The following ZNF418 variants were observed in gnomAD, a reference collection of about 807,000 sequenced individuals.
ZNF418 encodes the protein zinc finger protein 418.
Under a neutral mutation model 32.0 loss-of-function variants are expected in ZNF418, and 32 were observed. The ratio of observed to expected loss-of-function variants is 1.00; its 90% CI spans 0.75 to 1.34. The LOEUF (loss-of-function observed/expected upper bound fraction) is 1.34, where lower values mean the gene tolerates loss of function less well. Among genes scored for constraint, ZNF418 ranks in the 40% most tolerant of loss-of-function variants. The pLI, the probability that ZNF418 is intolerant of heterozygous loss-of-function variation, is 0.00. For synonymous variants in ZNF418, 276 were observed against 270.7 expected (o/e 1.02, Z -0.19); for missense variants, 804 against 812.5 (o/e 0.99, Z 0.13).
Position 57,932,967 on chromosome 19 carries a change from T to C in ZNF418, c.6+850A>G, listed in dbSNP as rs73937073. On this transcript the variant is annotated intron_variant, in intron 2 of 5. Coordinates refer to ENST00000396147, the MANE Select transcript of ZNF418 (RefSeq NM_133460.3). ...TGTTGTCTGACATACCCTATCTTCA[T>C]GAGCCCTTGCCTCCTTCTCCTGTGG... Among the ~76,000 whole-genome samples the C allele has an allele frequency of 4.5e-3, 690 of 152,280 alleles. 10 individuals carry two copies. The highest frequency in any genetic ancestry group is 0.016 in the African/African-American group (645 of 41,562).
At position 57,930,462 on chromosome 19, in the gene ZNF418, C is replaced by T. The variant is rs766304348; in HGVS notation, c.99G>A (p.Val33=). The T allele has an allele frequency of 2.5e-6, 4 of 1,614,040 alleles. No individual in the cohort carries two copies. The highest frequency in any genetic ancestry group is 3.3e-5 in the Admixed American group (2 of 59,992). The change falls in exon 3 of 6, where the codon GTG becomes GTA. Residue 33 remains valine (V), a synonymous_variant. Coordinates refer to ENST00000396147, the MANE Select transcript of ZNF418 (RefSeq NM_133460.3). ...ATATAAGTACCCAGTTCTCCAGCAT[C>T]ACGTCATGGTAAAGGCATCTCTGAA... is the stretch of plus-strand genomic sequence containing the variant. ...SEVQRCLYHD[V]MLENWVLISS... is the part of the protein sequence containing the mutation.
At chr19:57,924,705 A>C (rs1156540633) in intron 4 of ZNF418, among the ~76,000 whole-genome samples, 1 of 152,228 alleles carries the variant, frequency 6.6e-6, no homozygotes, top group Admixed American at 6.5e-5. Context: ...CCTAGGGAAC[A>C]GATTTCCCTC....
At position 57,921,947 on chromosome 19, in the gene ZNF418, A is replaced by G. The variant is rs917410285; in HGVS notation, c.*1308T>C. The stretch of plus-strand genomic sequence containing the variant: ...GCAGTCCAGGAGCGGCAGGCTGGAC[A>G]AAAAAACCACTATCATTTGAAAGAA... On this transcript the variant is annotated 3_prime_UTR_variant, in exon 6 of 6. Coordinates refer to ENST00000396147, the MANE Select transcript of ZNF418 (RefSeq NM_133460.3). 3 of 152,254 alleles carry G rather than the reference A, an allele frequency of 2.0e-5. No homozygotes were observed. Among genetic ancestry groups the G allele is most frequent in the Non-Finnish European group, 4.4e-5 (3 of 68,064 alleles). 9.4% of individuals were successfully genotyped at this position (152,254 alleles called of 1,614,324 possible).
Position 57,926,712 on chromosome 19 carries a change from G to T in ZNF418, c.1469C>A (p.Ser490Ter). The T allele has an allele frequency of 6.2e-7, 1 of 1,614,082 alleles. No individual in the cohort carries two copies. The highest frequency in any genetic ancestry group is 8.5e-7 in the Non-Finnish European group (1 of 1,180,034). Residue 490 changes from serine (S) to a stop codon, truncating the protein, a stop_gained, in exon 4 of 6, where the codon TCA becomes TAA. Coordinates refer to ENST00000396147, the MANE Select transcript of ZNF418 (RefSeq NM_133460.3). LOFTEE classifies it low-confidence loss of function (END_TRUNC). ...RPYECNECGK[S>*]FQDSSGFRVH... ...ACGAAACCCAGAGCTGTCTTGAAAT[G>T]ATTTCCCACATTCATTACATTCATA...
chr19:57,925,852 C>T lies in ZNF418; in HGVS notation c.*298G>A, dbSNP rs768737402. 1.4e-4 allele frequency: 44 copies of T among 304,294 alleles called. No homozygotes were observed. Among genetic ancestry groups the T allele is most frequent in the East Asian group, 3.3e-4 (6 of 18,034 alleles). The allele number at this position is 304,294 out of a possible 1,614,324, so 18.8% of individuals were successfully genotyped here. A position where few individuals can be genotyped will look rare whatever the true frequency, so the allele number is the denominator to read the frequency against. On this transcript the variant is annotated 3_prime_UTR_variant, in exon 4 of 6. Coordinates refer to ENST00000396147, the MANE Select transcript of ZNF418 (RefSeq NM_133460.3). ...GTATGTCAATTTAGGCAGATGGCTC[C>T]GTCATAAGGCATCTCCTCCAGTGTT...
At chr19:57,931,291 T>C (rs2072479013) in intron 2 of ZNF418, among the ~76,000 whole-genome samples, 1 of 151,114 alleles carries the variant, frequency 6.6e-6, no homozygotes, top group Non-Finnish European at 1.5e-5. Flanking sequence ...AACCTCCACC[T>C]CCCAGGTTCA....
intron 4 of ZNF418, among the ~76,000 whole-genome samples, chr19:57,924,602 T>A (rs2072139285): frequency 6.6e-6 from 1 of 152,136 alleles, no homozygotes; most frequent in Non-Finnish European, 1.5e-5. Context: ...AATGCAGAAA[T>A]TCTATAAATT....
chr19:57,935,072 C>T (rs1393618853), intron 1 of ZNF418, 89 bp downstream of exon 1: 1 of 1,337,354 alleles, frequency 7.5e-7, no homozygotes. Context: ...CGGGTCCGGG[C>T]TGCAGACCTG....
intron 3 of ZNF418, among the ~76,000 whole-genome samples, chr19:57,929,124 G>C (rs1343529118): frequency 1.3e-5 from 2 of 152,216 alleles, no homozygotes; most frequent in Non-Finnish European, 2.9e-5. Context: ...GTGGAGTCCA[G>C]AGACTGGAAG....
Position 57,935,216 on chromosome 19 carries a change from T to G in ZNF418, c.-136A>C, listed in dbSNP as rs2072651148. The G allele has an allele frequency of 8.0e-7, 1 of 1,257,502 alleles. No homozygotes were observed. The highest frequency in any genetic ancestry group is 1.0e-6 in the Non-Finnish European group (1 of 985,318). The allele number at this position is 1,257,502 out of a possible 1,614,324, so 77.9% of individuals were successfully genotyped here. A position where few individuals can be genotyped will look rare whatever the true frequency, so the allele number is the denominator to read the frequency against. The stretch of plus-strand genomic sequence containing the variant: ...CATCCCGAGTACGCGGGGAAAGCAC[T>G]GCCGGGAGCGGCGGGCGCCGTTACG... On this transcript the variant is annotated 5_prime_UTR_variant, in exon 1 of 6. Transcript: ENST00000396147.
Position 57,926,862 on chromosome 19 carries a change from T to C in ZNF418, c.1319A>G (p.Asn440Ser), listed in dbSNP as rs77546292. 1.4e-5 allele frequency: 22 copies of C among 1,613,782 alleles called. No homozygotes were observed. The African/African-American group carries it at 1.9e-4, about 14-fold the overall frequency. Residue 440 changes from asparagine (N) to serine (S), a missense_variant, in exon 4 of 6, where the codon AAC (asparagine) becomes AGC (serine). By Grantham distance (46) the Asn-to-Ser change is conservative. Transcript: ENST00000396147. ...ECGKSFSRKG[N>S]LIQHQRSHTG... ...GTGGCTTCGCTGATGCTGAATGAGG[T>C]TGCCCTTTCGACTAAAAGATTTCCC...
At chr19:57,929,018 C>T (rs1358479338) in intron 3 of ZNF418, among the ~76,000 whole-genome samples, 4 of 151,618 alleles carry the variant, frequency 2.6e-5, no homozygotes, top group African/African-American at 9.7e-5. Flanking sequence ...AAACCAAAAA[C>T]AAAACACAAT....
Position 57,927,432 on chromosome 19 carries a change from C to T in ZNF418, c.749G>A (p.Arg250Lys). ...ATAAGGTCTTTTCCCAGTGTGAACT[C>T]TCTGATGATTACTGACGCTATCATA... is the stretch of plus-strand genomic sequence containing the variant. ...SKYDSVSNHQ[R>K]VHTGKRPYEC... The change falls in exon 4 of 6, where the codon AGA becomes AAA. Residue 250 changes from arginine (R) to lysine (K), a missense_variant. Physicochemically the swap from Arg to Lys is conservative, Grantham distance 26 (BLOSUM62 2). Coordinates refer to ENST00000396147, the MANE Select transcript of ZNF418 (RefSeq NM_133460.3). The T allele has an allele frequency of 2.5e-6, 4 of 1,614,198 alleles. No homozygotes were observed. The highest frequency in any genetic ancestry group is 3.4e-6 in the Non-Finnish European group (4 of 1,180,038).
At chr19:57,925,413 ATC>A (rs1322255061) in intron 4 of ZNF418, among the ~76,000 whole-genome samples, 2 of 151,572 alleles carry the variant, frequency 1.3e-5, no homozygotes, top group Non-Finnish European at 2.9e-5. Context: ...GTGAGCTGAG[ATC>A]ACGCCACTGT....
rs757604706 is a variant in ZNF418 at position 57,926,663 on chromosome 19, T to A, written c.1518A>T (p.Gly506=). 15 of 1,614,166 alleles carry A rather than the reference T, an allele frequency of 9.3e-6. No individual in the cohort carries two copies. The highest frequency in any genetic ancestry group is 3.3e-4 in the Middle Eastern group (2 of 6,062). The change falls in exon 4 of 6, where the codon GGA becomes GGT. Residue 506 remains glycine (G), a synonymous_variant. Coordinates refer to ENST00000396147, the MANE Select transcript of ZNF418 (RefSeq NM_133460.3). ...GFRVHQRVHT[G]EKPFECSECG... is the part of the protein sequence containing the mutation. ...ATTCACTACACTCAAACGGTTTTTC[T>A]CCAGTGTGAACTCTCTGATGAACAC...
chr19:57,926,369 A>G lies in ZNF418; in HGVS notation c.1812T>C (p.Ser604=). 6.2e-7 allele frequency: 1 copy of G among 1,612,722 alleles called. No homozygotes were observed. Among genetic ancestry groups the G allele is most frequent in the Non-Finnish European group, 8.5e-7 (1 of 1,178,994 alleles). The stretch of plus-strand genomic sequence containing the variant: ...GAAGTCTCTGATGTTTAAAATGCGC[A>G]GACCTTCGAGTAAATGTTTTTCCAC... ...RECGKTFTRR[S]AHFKHQRLHT... The change falls in exon 4 of 6, where the codon TCT becomes TCC. Residue 604 remains serine (S), a synonymous_variant. Transcript: ENST00000396147.
At chr19:57,932,508 C>T (rs1466406345) in intron 2 of ZNF418, 1 of 1,535,210 alleles carries the variant, frequency 6.5e-7, no homozygotes, top group Non-Finnish European at 8.7e-7. Context: ...CTCCACATCC[C>T]CACAGAACCA....
Position 57,927,446 on chromosome 19 carries a change from G to A in ZNF418, c.735C>T (p.Val245=). The A allele has an allele frequency of 6.2e-7, 1 of 1,614,140 alleles. No individual in the cohort carries two copies. Among genetic ancestry groups the A allele is most frequent in the Non-Finnish European group, 8.5e-7 (1 of 1,180,032 alleles). ...CAGTGTGAACTCTCTGATGATTACT[G>A]ACGCTATCATATTTGCTAAAGGATT... is the stretch of plus-strand genomic sequence containing the variant. ...CGKSFSKYDS[V]SNHQRVHTGK... Residue 245 remains valine, a synonymous_variant, in exon 4 of 6, where the codon GTC becomes GTT. Transcript: ENST00000396147.
chr19:57,930,645 C>T lies in ZNF418; in HGVS notation c.7-91G>A, dbSNP rs912148544. On this transcript the variant is annotated intron_variant, in intron 2 of 5. Coordinates refer to ENST00000396147, the MANE Select transcript of ZNF418 (RefSeq NM_133460.3). ...CCCACACCCCCACCCCCTTGCCCAT[C>T]CTCCTCCCAAGATCCTCAGCACAGA... The T allele has an allele frequency of 3.8e-6, 6 of 1,570,982 alleles. No homozygotes were observed. In the African/African-American group the frequency reaches 5.4e-5, roughly 14 times the overall value.
Sources: gnomAD v4.1 joint callset for allele counts (sites outside exome capture counted in the v4.1 genomes callset) on GRCh38, gnomAD v4.1.1 for gene constraint, MANE v1.5 for transcripts, NCBI Gene and HGNC (gene_info 2026-07-23, HGNC 2026-07-21) for gene names.